MAP4K4: variants seen among roughly 807,000 people sequenced by gnomAD.
MAP4K4 encodes the protein mitogen-activated protein kinase kinase kinase kinase 4, also known as HPK/GCK-like kinase HGK.
A neutral mutation model predicts 189.6 loss-of-function variants in MAP4K4; 38 were observed. The ratio of observed to expected loss-of-function variants is 0.20; its 90% confidence interval spans 0.15 to 0.26. MAP4K4 has a LOEUF of 0.26. Among genes scored for constraint, MAP4K4 ranks in the 10% least tolerant of loss-of-function variants. The pLI is 1.00. For synonymous variants in MAP4K4, 610 were observed against 624.3 expected, an observed-to-expected ratio of 0.98 and a Z score of 0.34; for missense variants, 1,054 against 1,726.9, an observed-to-expected ratio of 0.61 and a Z score of 6.91.
chr2:101,748,506 G>T (rs13405199), intron 2 of MAP4K4, among the ~76,000 whole-genome samples: 3 of 152,130 alleles, frequency 2.0e-5, no homozygotes, highest in African/African-American at 7.2e-5. Context: ...CAACAAGACT[G>T]CTTTCAGAAA....
At chr2:101,709,394 G>A (rs2044162941) in intron 2 of MAP4K4, among the ~76,000 whole-genome samples, 1 of 152,120 alleles carries the variant, frequency 6.6e-6, no homozygotes, top group Non-Finnish European at 1.5e-5. Context: ...GTAGAGATGG[G>A]GTTTCGCCCT....
chr2:101,775,738 C>T (rs572866463), intron 2 of MAP4K4, among the ~76,000 whole-genome samples: 1 of 152,194 alleles, frequency 6.6e-6, no homozygotes, highest in South Asian at 2.1e-4. Flanking sequence ...CGAGGCAGCC[C>T]TGGTTCACAC....
At chr2:101,716,812 C>T (rs953168274) in intron 2 of MAP4K4, among the ~76,000 whole-genome samples, 2 of 152,072 alleles carry the variant, frequency 1.3e-5, no homozygotes, top group African/African-American at 4.8e-5. Context: ...TTGGGTTGGC[C>T]GACTTTTTAA....
At position 101,782,205 on chromosome 2, in the gene MAP4K4, C is replaced by T. The variant is rs545849221; in HGVS notation, c.124-8515C>T. Among the ~76,000 whole-genome samples the T allele has an allele frequency of 4.7e-4, 72 of 152,328 alleles. 2 individuals carry two copies. In the South Asian group the frequency reaches 0.015, roughly 31 times the overall value. ...AATTTATTTTACTTTCAGTTATCTG[C>T]TAACGCAGCTATGCAAAATGACTCA... is the stretch of plus-strand genomic sequence containing the variant. On this transcript the variant is annotated intron_variant, in intron 2 of 32. Coordinates refer to ENST00000324219, the Ensembl canonical transcript of MAP4K4.
rs1009800579 is a variant in MAP4K4 at position 101,740,152 on chromosome 2, T to TC, written c.123+41614_123+41615insC. Among the ~76,000 whole-genome samples, 6 of 12,258 alleles carry TC rather than the reference T, an allele frequency of 4.9e-4. 2 individuals carry two copies. The highest frequency in any genetic ancestry group is 2.0e-3 in the African/African-American group (5 of 2,534). 8.0% of individuals were successfully genotyped at this position (12,258 alleles called of 152,430 possible). A position where few individuals can be genotyped will look rare whatever the true frequency, so the allele number is the denominator to read the frequency against. ...GGCTTCAAAGTTGCTTTATATCATC[T>TC]TTTTTTTTTTTTTTTTTTTGAGACG... On this transcript the variant is annotated intron_variant, in intron 2 of 32. Transcript: ENST00000324219.
intron 8 of MAP4K4, 76 bp downstream of exon 8, chr2:101,834,539 G>T: frequency 8.7e-7 from 1 of 1,150,078 alleles, no homozygotes. Context: ...AAAAAGAACA[G>T]CTCAGCTCCA....
chr2:101,871,400 A>G (rs9967668), intron 23 of MAP4K4, 94 bp from the exon 24 acceptor site: 10 of 986,172 alleles, frequency 1.0e-5, no homozygotes, highest in Middle Eastern at 5.0e-4. Context: ...AGCAGAGTTT[A>G]TAAGTCACAC....
chr2:101,711,592 TTTC>T (rs2045582425), intron 2 of MAP4K4, among the ~76,000 whole-genome samples: 1 of 152,148 alleles, frequency 6.6e-6, no homozygotes, highest in Non-Finnish European at 1.5e-5. Flanking sequence ...GAATTTTATT[TTTC>T]TAATCCGATT....
At chr2:101,855,943 G>A in intron 12 of MAP4K4, 34 bp from the exon 13 acceptor site, 1 of 1,537,186 alleles carries the variant, frequency 6.5e-7, no homozygotes, top group Non-Finnish European at 8.8e-7. Context: ...ATGGCGGGAA[G>A]ATCCCTGGTA....
chr2:101,876,362 C>T (rs777441710), intron 26 of MAP4K4, among the ~76,000 whole-genome samples: 9 of 152,004 alleles, frequency 5.9e-5, no homozygotes, highest in East Asian at 3.8e-4. Flanking sequence ...GAGACTGTGA[C>T]GGTACAAGGT....
chr2:101,726,267 A>C (rs2055333748), intron 2 of MAP4K4, among the ~76,000 whole-genome samples: 1 of 152,240 alleles, frequency 6.6e-6, no homozygotes. Context: ...TAGTGATTCA[A>C]GGACTTTTGC....
exon 2 of MAP4K4, chr2:101,698,484 G>A (rs762328868): frequency 6.2e-7 from 1 of 1,613,864 alleles, no homozygotes. Context: ...ATCCTGCTGG[G>A]ATTTTTGAGC....
At chr2:101,720,228 C>CAG (rs1243484061) in intron 2 of MAP4K4, among the ~76,000 whole-genome samples, 1 of 147,118 alleles carries the variant, frequency 6.8e-6, no homozygotes, top group African/African-American at 2.5e-5. Context: ...GGCTAGAGTG[C>CAG]AGTGGCATGA....
intron 13 of MAP4K4, among the ~76,000 whole-genome samples, chr2:101,858,771 G>A (rs1057235630): frequency 6.6e-6 from 1 of 152,158 alleles, no homozygotes; most frequent in African/African-American, 2.4e-5. Flanking sequence ...ATCCCTTCGT[G>A]TATATTATGG....
In MAP4K4 at chr2:101,791,954, A is replaced by G. The variant is rs550533122; in HGVS notation, c.180+1178A>G. ...TTGAATGGCCAAAAGATTCTCCTTGACATACTCTGATGTAGACTATTCTGT... is the reference window on the plus strand; with the variant it reads ...TTGAATGGCCAAAAGATTCTCCTTGGCATACTCTGATGTAGACTATTCTGT... On this transcript the variant is annotated intron_variant, in intron 3 of 32. Transcript: ENST00000324219. Among the ~76,000 whole-genome samples, 9 of 152,346 alleles carry G rather than the reference A, an allele frequency of 5.9e-5. No individual in the cohort carries two copies. The South Asian group carries it at 1.2e-3, about 21-fold the overall frequency.
At chr2:101,714,405 A>G (rs964452371) in intron 2 of MAP4K4, among the ~76,000 whole-genome samples, 11 of 152,254 alleles carry the variant, frequency 7.2e-5, no homozygotes, top group African/African-American at 2.4e-4. Flanking sequence ...ACATATTTAT[A>G]TAGTTAAGAA....
intron 2 of MAP4K4, among the ~76,000 whole-genome samples, chr2:101,786,124 C>T (rs1224726896): frequency 4.6e-5 from 7 of 152,182 alleles, no homozygotes; most frequent in Admixed American, 2.0e-4. Flanking sequence ...TGCACCCGGC[C>T]GGCATCTTTT....
intron 31 of MAP4K4, 59 bp downstream of exon 31, chr2:101,887,996 A>G: frequency 6.9e-7 from 1 of 1,448,790 alleles, no homozygotes; most frequent in African/African-American, 1.4e-5. Context: ...CTGAGACTCC[A>G]TTTATTTATC....
intron 26 of MAP4K4, among the ~76,000 whole-genome samples, chr2:101,876,719 T>A (rs1417929586): frequency 6.6e-6 from 1 of 152,212 alleles, no homozygotes; most frequent in Non-Finnish European, 1.5e-5. Context: ...GAGGAAGAAC[T>A]AGAAACTAAT....
Sources: gnomAD v4.1 joint callset for allele counts (sites outside exome capture counted in the v4.1 genomes callset) on GRCh38, gnomAD v4.1.1 for gene constraint, MANE v1.5 for transcripts, NCBI Gene and HGNC (gene_info 2026-07-23, HGNC 2026-07-21) for gene names.